The following NKAIN2 variants were observed in gnomAD, a reference collection of about 807,000 sequenced individuals.
NKAIN2 encodes sodium/potassium-transporting ATPase subunit beta-1-interacting protein 2.
A neutral mutation model predicts 32.6 loss-of-function variants in NKAIN2; 14 were observed. The observed-to-expected ratio is 0.43, with a 90% CI of 0.28 to 0.67. NKAIN2 has a LOEUF of 0.67. Among genes scored for constraint, NKAIN2 ranks in the 30% least tolerant of loss-of-function variants. The probability of loss-of-function intolerance (pLI) is 0.17; values close to 1 mark genes in which losing one functional copy is unlikely to be tolerated. For synonymous variants in NKAIN2, 80 were observed against 87.2 expected, an observed-to-expected ratio of 0.92 and a Z score of 0.46; for missense variants, 198 against 258.3, an observed-to-expected ratio of 0.77 and a Z score of 1.60.
At chr6:124,436,070 T>C (rs1343827866) in intron 3 of NKAIN2, among the ~76,000 whole-genome samples, 5 of 152,116 alleles carry the variant, frequency 3.3e-5, no homozygotes, top group Non-Finnish European at 7.4e-5. Context: ...AACCAGCAGG[T>C]TTTAAGTTTT....
intron 5 of NKAIN2, among the ~76,000 whole-genome samples, chr6:124,800,746 G>T (rs1562390656): frequency 6.6e-6 from 1 of 152,154 alleles, no homozygotes; most frequent in Non-Finnish European, 1.5e-5. Context: ...GCCAAAGTGG[G>T]AATTTCAATT....
intron 3 of NKAIN2, among the ~76,000 whole-genome samples, chr6:124,621,178 A>G (rs1024270829): frequency 1.3e-5 from 2 of 152,182 alleles, no homozygotes; most frequent in African/African-American, 4.8e-5. Context: ...TAATTCTAAC[A>G]TGTATCCAAG....
intron 1 of NKAIN2, among the ~76,000 whole-genome samples, chr6:124,238,991 C>A (rs1017349133): frequency 6.6e-6 from 1 of 152,048 alleles, no homozygotes; most frequent in African/African-American, 2.4e-5. Context: ...GAGTCAAGAC[C>A]CATTGGTGTG....
At chr6:123,921,638 T>A (rs113424233) in intron 1 of NKAIN2, among the ~76,000 whole-genome samples, 425 of 152,278 alleles carry the variant, frequency 2.8e-3, no homozygotes, top group Non-Finnish European at 4.5e-3. Flanking sequence ...CATTCAACTG[T>A]CAAATGGAAA....
At chr6:124,447,595 TAC>T (rs899106876) in intron 3 of NKAIN2, among the ~76,000 whole-genome samples, 1 of 152,114 alleles carries the variant, frequency 6.6e-6, no homozygotes, top group Non-Finnish European at 1.5e-5. Context: ...AGATGTAAAA[TAC>T]AGTGATTGAA....
intron 1 of NKAIN2, among the ~76,000 whole-genome samples, chr6:124,152,061 T>G (rs1324462153): frequency 1.3e-5 from 2 of 151,960 alleles, no homozygotes; most frequent in African/African-American, 4.8e-5. Flanking sequence ...TTTCCTATAT[T>G]TTACCCTAGA....
chr6:124,438,947 C>T (rs1225298372), intron 3 of NKAIN2, among the ~76,000 whole-genome samples: 2 of 152,108 alleles, frequency 1.3e-5, no homozygotes, highest in Non-Finnish European at 2.9e-5. Context: ...GCTCCTAGGC[C>T]TTCCTTTATT....
At chr6:124,239,810 A>T (rs1792978370) in intron 1 of NKAIN2, among the ~76,000 whole-genome samples, 1 of 152,194 alleles carries the variant, frequency 6.6e-6, no homozygotes, top group African/African-American at 2.4e-5. Flanking sequence ...TCTAAAATCG[A>T]CATCCTACCA....
At chr6:124,493,439 A>C (rs1274607028) in intron 3 of NKAIN2, among the ~76,000 whole-genome samples, 1 of 152,048 alleles carries the variant, frequency 6.6e-6, no homozygotes, top group Non-Finnish European at 1.5e-5. Flanking sequence ...AGATTTTATC[A>C]TGAACATCCA....
intron 1 of NKAIN2, among the ~76,000 whole-genome samples, chr6:123,924,000 A>G (rs1775892358): frequency 6.6e-6 from 1 of 152,008 alleles, no homozygotes; most frequent in Admixed American, 6.5e-5. Context: ...AAAGCAGGTA[A>G]CATGTTGAAT....
chr6:124,818,333 A>G, intron 5 of NKAIN2, 54 bp from the exon 6 acceptor site: 1 of 929,578 alleles, frequency 1.1e-6, no homozygotes, highest in Non-Finnish European at 1.8e-6. Flanking sequence ...TGGGTGCTTG[A>G]TCATGGATGT....
At chr6:124,075,660 A>G (rs1384674571) in intron 1 of NKAIN2, among the ~76,000 whole-genome samples, 3 of 152,088 alleles carry the variant, frequency 2.0e-5, no homozygotes, top group Admixed American at 6.6e-5. Context: ...CAGTGGCGTA[A>G]TCTCAGCACA....
chr6:124,035,102 G>T (rs917292211), intron 1 of NKAIN2, among the ~76,000 whole-genome samples: 9 of 151,976 alleles, frequency 5.9e-5, no homozygotes, highest in African/African-American at 2.2e-4. Flanking sequence ...AATTATTTTA[G>T]TATACAGAAA....
chr6:124,176,895 A>G (rs1406687296), intron 1 of NKAIN2, among the ~76,000 whole-genome samples: 2 of 151,960 alleles, frequency 1.3e-5, no homozygotes, highest in African/African-American at 2.4e-5. Context: ...GCAAGTTTTT[A>G]TATTGACTAT....
At chr6:124,020,731 G>A (rs1780825295) in intron 1 of NKAIN2, among the ~76,000 whole-genome samples, 1 of 152,046 alleles carries the variant, frequency 6.6e-6, no homozygotes. Flanking sequence ...TACTTGATAT[G>A]AAGAAACTGA....
chr6:124,793,176 G>A (rs988459809), intron 5 of NKAIN2, among the ~76,000 whole-genome samples: 12 of 152,204 alleles, frequency 7.9e-5, no homozygotes, highest in African/African-American at 2.2e-4. Flanking sequence ...GGGAAAAAGA[G>A]GAGACTGTTA....
At chr6:124,040,090 T>C (rs1162101634) in intron 1 of NKAIN2, among the ~76,000 whole-genome samples, 1 of 152,060 alleles carries the variant, frequency 6.6e-6, no homozygotes, top group Non-Finnish European at 1.5e-5. Context: ...CAGACCTAGC[T>C]AGAGTTGACC....
intron 1 of NKAIN2, among the ~76,000 whole-genome samples, chr6:124,025,801 C>G (rs1781081712): frequency 6.6e-6 from 1 of 152,180 alleles, no homozygotes; most frequent in Admixed American, 6.5e-5. Flanking sequence ...AACACCTTAG[C>G]ATTGTGGGGA....
chr6:124,736,742 G>GA (rs927686474), intron 4 of NKAIN2, among the ~76,000 whole-genome samples: 2 of 151,922 alleles, frequency 1.3e-5, no homozygotes, highest in Admixed American at 6.6e-5. Context: ...TTACTGCTCA[G>GA]AAAAAAGGAT....
Sources: allele counts gnomAD v4.1 joint callset (sites outside exome capture counted in the v4.1 genomes callset), GRCh38; gene constraint gnomAD v4.1.1; transcripts MANE v1.5; gene names NCBI Gene and HGNC (gene_info 2026-07-23, HGNC 2026-07-21).